The following EIF4H variants were observed in gnomAD, a reference collection of about 807,000 sequenced individuals.
The protein encoded by EIF4H is eukaryotic translation initiation factor 4H, also known as Williams-Beuren syndrome chromosome region 1.
In EIF4H, 8 loss-of-function variants were observed where a neutral mutation model predicts 30.6. That is an observed-to-expected ratio of 0.26 (90% CI 0.15 to 0.47). EIF4H has a LOEUF of 0.47. Among genes scored for constraint, EIF4H ranks in the 20% least tolerant of loss-of-function variants. EIF4H has a pLI of 0.99. For missense variants in EIF4H, 188 were observed against 339.5 expected (o/e 0.55, Z 3.51); for synonymous variants, 106 against 122.7 (o/e 0.86, Z 0.90).
At chr7:74,174,775 C>G (rs1016808937) in intron 1 of EIF4H, among the ~76,000 whole-genome samples, 8 of 152,366 alleles carry the variant, frequency 5.3e-5, no homozygotes, top group Non-Finnish European at 1.0e-4. Flanking sequence ...TACGGTAGGA[C>G]CAGTGCGGGG....
At chr7:74,194,131 T>G (rs1554710375) in intron 5 of EIF4H, among the ~76,000 whole-genome samples, 1 of 152,142 alleles carries the variant, frequency 6.6e-6, no homozygotes, top group Non-Finnish European at 1.5e-5. Context: ...CCGGTGGGGG[T>G]GAGGCGCTGT....
chr7:74,185,101 C>T (rs1341422929), intron 1 of EIF4H, among the ~76,000 whole-genome samples: 7 of 152,112 alleles, frequency 4.6e-5, no homozygotes, highest in African/African-American at 1.7e-4. Context: ...GGTGATCCTC[C>T]CACCTCAGCC....
At chr7:74,179,461 A>G (rs556758494) in intron 1 of EIF4H, among the ~76,000 whole-genome samples, 5 of 151,962 alleles carry the variant, frequency 3.3e-5, no homozygotes, top group Non-Finnish European at 7.4e-5. Context: ...GCAAAGCCCC[A>G]TCTCTACTAA....
chr7:74,176,383 A>G (rs1563946444), intron 1 of EIF4H, among the ~76,000 whole-genome samples: 1 of 152,002 alleles, frequency 6.6e-6, no homozygotes, highest in Non-Finnish European at 1.5e-5. Context: ...GATTACAGGC[A>G]TTAGCCACCG....
rs184690257 is a variant in EIF4H, at chr7:74,187,514, C to G, written c.60-97C>G. The G allele has an allele frequency of 5.6e-5, 72 of 1,275,458 alleles. No homozygotes were observed. The Middle Eastern group carries it at 3.0e-3, about 54-fold the overall frequency. 79.0% of individuals were successfully genotyped at this position (1,275,458 alleles called of 1,614,324 possible). On this transcript the variant is annotated intron_variant, in intron 1 of 6. Coordinates refer to ENST00000265753, the MANE Select transcript of EIF4H (RefSeq NM_022170.2). ...TGGTACATCGAGCAGAGTGCCTCAC[C>G]TGGGGCGCTGGCGGCGTAGCTCAGC...
chr7:74,174,534 C>T, intron 1 of EIF4H, 92 bp downstream of exon 1: 2 of 1,139,932 alleles, frequency 1.8e-6, no homozygotes, highest in South Asian at 4.3e-5. Context: ...TCAGCCGGGG[C>T]GGCGGGAGGC....
chr7:74,181,463 CTCT>C (rs1800960643), intron 1 of EIF4H, among the ~76,000 whole-genome samples: 1 of 151,814 alleles, frequency 6.6e-6, no homozygotes, highest in Admixed American at 6.6e-5. Context: ...CAGAGTTTTA[CTCT>C]TGTTGCCCAG....
chr7:74,190,538 A>G (rs1554709775), intron 5 of EIF4H, among the ~76,000 whole-genome samples: 1 of 152,078 alleles, frequency 6.6e-6, no homozygotes, highest in East Asian at 1.9e-4. Flanking sequence ...AGCTCCTTGG[A>G]TGTGTACGGG....
At position 74,195,073 on chromosome 7, in the gene EIF4H, A is replaced by C. The variant is rs1376762639; in HGVS notation, c.608-96A>C. On this transcript the variant is annotated intron_variant, in intron 6 of 6. Transcript: ENST00000265753. The stretch of plus-strand genomic sequence containing the variant: ...GTAGCAGGCCAGGTGAATTTTAGAA[A>C]GTGGGCTGGTTTGCTGACAGCAACA... 7 of 1,550,284 alleles carry C rather than the reference A, an allele frequency of 4.5e-6. No individual in the cohort carries two copies. In the African/African-American group the frequency reaches 9.6e-5, roughly 21 times the overall value.
chr7:74,174,598 G>T (rs1584168979), intron 1 of EIF4H, among the ~76,000 whole-genome samples, 156 bp downstream of exon 1: 2 of 151,964 alleles, frequency 1.3e-5, no homozygotes, highest in Admixed American at 1.3e-4. Context: ...CCTGGAAATG[G>T]CGCGCTCGGA....
chr7:74,192,668 C>CTTTTT lies in EIF4H; in HGVS notation c.470-2065_470-2061dup, dbSNP rs1297031468. ...TCATACCTAACATTGCTTTATGTGA[C>CTTTTT]TTTTTTTTTTTTCTTTTTTTTTTTT... is the stretch of plus-strand genomic sequence containing the variant. On this transcript the variant is annotated intron_variant, in intron 5 of 6. Coordinates refer to ENST00000265753, the MANE Select transcript of EIF4H (RefSeq NM_022170.2). 5.0e-4 allele frequency among the ~76,000 whole-genome samples: 47 copies of CTTTTT among 93,202 alleles called. 7 individuals are homozygous for CTTTTT. The highest frequency in any genetic ancestry group is 8.2e-3 in the Middle Eastern group (1 of 122). 61.1% of individuals were successfully genotyped at this position (93,202 alleles called of 152,430 possible).
chr7:74,183,320 G>A (rs1161192380), intron 1 of EIF4H, among the ~76,000 whole-genome samples: 3 of 152,274 alleles, frequency 2.0e-5, no homozygotes, highest in Admixed American at 6.5e-5. Flanking sequence ...GAATTGGCAC[G>A]CTCTGCTGAT....
chr7:74,177,689 A>G (rs1046585004), intron 1 of EIF4H, among the ~76,000 whole-genome samples: 1 of 152,230 alleles, frequency 6.6e-6, no homozygotes, highest in Non-Finnish European at 1.5e-5. Context: ...TCAAATGTCA[A>G]GTCGTTTAGG....
intron 1 of EIF4H, among the ~76,000 whole-genome samples, chr7:74,177,233 G>A (rs1800861205): frequency 6.6e-6 from 1 of 152,208 alleles, no homozygotes; most frequent in Non-Finnish European, 1.5e-5. Flanking sequence ...ACAGGCATGA[G>A]CTACCACGCC....
At chr7:74,186,284 G>A (rs2115966227) in intron 1 of EIF4H, among the ~76,000 whole-genome samples, 1 of 151,512 alleles carries the variant, frequency 6.6e-6, no homozygotes, top group East Asian at 1.9e-4. Context: ...AGTGCAATGG[G>A]CTCACTACAA....
At chr7:74,174,918 G>C (rs1362523618) in intron 1 of EIF4H, among the ~76,000 whole-genome samples, 2 of 152,236 alleles carry the variant, frequency 1.3e-5, no homozygotes, top group Non-Finnish European at 2.9e-5. Context: ...GACTGGGGAA[G>C]GTCGGCAGCC....
chr7:74,184,927 C>G (rs1319038198), intron 1 of EIF4H, among the ~76,000 whole-genome samples: 2 of 152,074 alleles, frequency 1.3e-5, no homozygotes, highest in East Asian at 1.9e-4. Flanking sequence ...GTGATCCACC[C>G]ACCTTGACCT....
intron 1 of EIF4H, among the ~76,000 whole-genome samples, chr7:74,179,200 T>C (rs782331019): frequency 1.2e-4 from 18 of 152,212 alleles, no homozygotes; most frequent in African/African-American, 4.1e-4. Flanking sequence ...TAGTTGGAAA[T>C]GGGAGGAGTA....
chr7:74,185,840 GA>G (rs199767891), intron 1 of EIF4H, among the ~76,000 whole-genome samples: 3 of 150,396 alleles, frequency 2.0e-5, no homozygotes, highest in South Asian at 2.1e-4. Flanking sequence ...TTCCCGTTTA[GA>G]AAAAAAAACT....
Sources: gnomAD v4.1 joint callset for allele counts (sites outside exome capture counted in the v4.1 genomes callset) on GRCh38, gnomAD v4.1.1 for gene constraint, MANE v1.5 for transcripts, NCBI Gene and HGNC (gene_info 2026-07-23, HGNC 2026-07-21) for gene names.